SPIDR: variants seen among roughly 807,000 people sequenced by gnomAD.
The protein encoded by SPIDR is DNA repair-scaffolding protein.
Under a neutral mutation model 104.6 loss-of-function variants are expected in SPIDR, and 93 were observed. That is an observed-to-expected ratio of 0.89 (90% CI 0.75 to 1.06). SPIDR has a LOEUF of 1.06. SPIDR is among the 50% of genes least tolerant of loss of function. SPIDR has a pLI of 0.00. For synonymous variants in SPIDR, 431 were observed against 416.9 expected, an observed-to-expected ratio of 1.03 and a Z score of -0.41; for missense variants, 1,154 against 1,111.2, an observed-to-expected ratio of 1.04 and a Z score of -0.55.
At chr8:47,361,836 GC>G (rs1587692609) in intron 5 of SPIDR, among the ~76,000 whole-genome samples, 1 of 152,316 alleles carries the variant, frequency 6.6e-6, no homozygotes, top group East Asian at 1.9e-4. Context: ...ATTTTAGTTG[GC>G]TCCATATGGT....
intron 8 of SPIDR, among the ~76,000 whole-genome samples, chr8:47,444,416 T>C (rs550764822): frequency 1.3e-5 from 2 of 152,360 alleles, no homozygotes; most frequent in East Asian, 1.9e-4. Flanking sequence ...CCAGATACTT[T>C]GCTTCTCCTC....
chr8:47,629,990 A>G (rs2066805388), intron 10 of SPIDR, among the ~76,000 whole-genome samples: 3 of 152,252 alleles, frequency 2.0e-5, no homozygotes, highest in Admixed American at 2.0e-4. Context: ...ATATATTTTG[A>G]ACTATATGCA....
chr8:47,297,614 C>T (rs1038976620), intron 5 of SPIDR, among the ~76,000 whole-genome samples: 2 of 152,112 alleles, frequency 1.3e-5, no homozygotes, highest in Non-Finnish European at 2.9e-5. Flanking sequence ...CCACCTCCCC[C>T]ACCCCACGAC....
At chr8:47,671,950 CT>C (rs1474864246) in intron 10 of SPIDR, among the ~76,000 whole-genome samples, 1 of 152,004 alleles carries the variant, frequency 6.6e-6, no homozygotes, top group Non-Finnish European at 1.5e-5. Context: ...TTTGTTTGGT[CT>C]TTTTCCCCCC....
chr8:47,283,977 T>G (rs1242484628), intron 2 of SPIDR, 51 bp from the exon 3 acceptor site: 1 of 1,401,718 alleles, frequency 7.1e-7, no homozygotes, highest in Admixed American at 2.0e-5. Flanking sequence ...TTATAAAAGT[T>G]TTTTTTTAGC....
intron 8 of SPIDR, among the ~76,000 whole-genome samples, chr8:47,491,117 G>A (rs1586623525): frequency 1.3e-5 from 2 of 152,108 alleles, no homozygotes; most frequent in East Asian, 1.9e-4. Flanking sequence ...TTAAAAAGAC[G>A]TATTCAGAAA....
At position 47,347,249 on chromosome 8, in the gene SPIDR, G is replaced by C. The variant is rs569777607; in HGVS notation, c.526-49127G>C. On this transcript the variant is annotated intron_variant, in intron 5 of 19. Transcript: ENST00000297423. ...CAGGTTGTTCAGTTTCCATGTAGTT[G>C]AGCAGTTTTGAGTGAGTTTCTTAAT... Among the ~76,000 whole-genome samples the C allele has an allele frequency of 7.2e-5, 11 of 152,278 alleles. 1 individual carries two copies. Among genetic ancestry groups the C allele is most frequent in the African/African-American group, 2.2e-4 (9 of 41,550 alleles).
At chr8:47,338,020 C>T (rs1554610933) in intron 5 of SPIDR, among the ~76,000 whole-genome samples, 1 of 152,040 alleles carries the variant, frequency 6.6e-6, no homozygotes. Context: ...AGTGAGAGTC[C>T]TATAACTTTG....
At chr8:47,280,415 C>T (rs1366087481) in intron 2 of SPIDR, among the ~76,000 whole-genome samples, 7 of 140,880 alleles carry the variant, frequency 5.0e-5, no homozygotes, top group African/African-American at 1.1e-4. Flanking sequence ...TTTTTGGAGA[C>T]GGAGTCTCAC....
chr8:47,417,928 A>G (rs1293451162), intron 7 of SPIDR, among the ~76,000 whole-genome samples: 1 of 152,118 alleles, frequency 6.6e-6, no homozygotes, highest in Non-Finnish European at 1.5e-5. Context: ...AAGATCAGAT[A>G]GTTGTAGATA....
intron 11 of SPIDR, chr8:47,697,668 T>G (rs2079543329): frequency 6.6e-6 from 1 of 152,500 alleles, no homozygotes; most frequent in East Asian, 1.9e-4. Context: ...TCCCAGGCTG[T>G]CCCTGTTCCC....
intron 5 of SPIDR, among the ~76,000 whole-genome samples, chr8:47,361,403 G>A (rs2055895037): frequency 6.6e-6 from 1 of 152,210 alleles, no homozygotes. Flanking sequence ...GGCCTGGGTG[G>A]GGATGGGCAT....
chr8:47,628,529 C>G (rs1451780690), intron 10 of SPIDR, among the ~76,000 whole-genome samples: 1 of 152,098 alleles, frequency 6.6e-6, no homozygotes, highest in Non-Finnish European at 1.5e-5. Context: ...GTGTACACAA[C>G]TTTGTTTCAT....
At chr8:47,714,457 G>T (rs1483935222) in intron 16 of SPIDR, among the ~76,000 whole-genome samples, 1 of 152,084 alleles carries the variant, frequency 6.6e-6, no homozygotes, top group Non-Finnish European at 1.5e-5. Flanking sequence ...TTCAGTAGCT[G>T]GTTAGATATG....
chr8:47,492,975 A>G (rs1175638855), intron 8 of SPIDR, among the ~76,000 whole-genome samples: 1 of 151,754 alleles, frequency 6.6e-6, no homozygotes, highest in African/African-American at 2.4e-5. Context: ...CTCTACTGAT[A>G]CCTTCCAGCT....
chr8:47,582,043 C>T (rs1283184207), intron 8 of SPIDR, among the ~76,000 whole-genome samples: 1 of 152,064 alleles, frequency 6.6e-6, no homozygotes, highest in African/African-American at 2.4e-5. Flanking sequence ...ATGGTGAAAC[C>T]CTGTCTCTAC....
chr8:47,334,803 TTTG>T (rs1458656805), intron 5 of SPIDR, among the ~76,000 whole-genome samples: 1 of 152,164 alleles, frequency 6.6e-6, no homozygotes, highest in Non-Finnish European at 1.5e-5. Flanking sequence ...CTGGTTTCTA[TTTG>T]TTGTTCTTGT....
chr8:47,619,774 T>G (rs1400286946), intron 10 of SPIDR, among the ~76,000 whole-genome samples: 4 of 152,138 alleles, frequency 2.6e-5, no homozygotes, highest in African/African-American at 4.8e-5. Flanking sequence ...AGTGCTGAGC[T>G]TCACATTCTT....
At chr8:47,374,243 C>T (rs1366857488) in intron 5 of SPIDR, among the ~76,000 whole-genome samples, 1 of 151,954 alleles carries the variant, frequency 6.6e-6, no homozygotes, top group Non-Finnish European at 1.5e-5. Flanking sequence ...TTTTGCTGGC[C>T]AGGCATGGTG....
Sources: allele counts gnomAD v4.1 joint callset (sites outside exome capture counted in the v4.1 genomes callset), GRCh38; gene constraint gnomAD v4.1.1; transcripts MANE v1.5; gene names NCBI Gene and HGNC (gene_info 2026-07-23, HGNC 2026-07-21).